STAU2: variants seen among roughly 807,000 people sequenced by gnomAD.
STAU2 encodes the protein double-stranded RNA-binding protein Staufen homolog 2.
Under a neutral mutation model 65.9 loss-of-function variants are expected in STAU2, and 20 were observed. The ratio of observed to expected loss-of-function variants is 0.30; its 90% CI spans 0.21 to 0.44. The LOEUF (loss-of-function observed/expected upper bound fraction) is 0.44. Among genes scored for constraint, STAU2 ranks in the 20% least tolerant of loss-of-function variants. The pLI is 1.00. For synonymous variants in STAU2, 232 were observed against 233.9 expected, an observed-to-expected ratio of 0.99 and a Z score of 0.07; for missense variants, 558 against 683.9, an observed-to-expected ratio of 0.82 and a Z score of 2.05.
chr8:73,621,951 CT>C (rs751349117), intron 6 of STAU2, among the ~76,000 whole-genome samples: 155 of 129,892 alleles, frequency 1.2e-3, no homozygotes, highest in South Asian at 2.8e-3. Flanking sequence ...GTCTTTCTCT[CT>C]TTTTTTTTTT....
rs184835229 is a variant in STAU2 at position 73,658,170 on chromosome 8, C to T, written c.410+14937G>A. ...CCTGAGGTCAGGAGTTCAAGACCAG[C>T]CTGACCAACATGGTGAAACCCCATC... is the stretch of plus-strand genomic sequence containing the variant. On this transcript the variant is annotated intron_variant, in intron 6 of 14. Transcript: ENST00000524300. 1.0e-3 allele frequency among the ~76,000 whole-genome samples: 152 copies of T among 151,988 alleles called. 1 individual carries two copies. The highest frequency in any genetic ancestry group is 3.3e-3 in the African/African-American group (135 of 41,416).
At chr8:73,736,592 AG>A in intron 3 of STAU2, among the ~76,000 whole-genome samples, 1 of 152,228 alleles carries the variant, frequency 6.6e-6, no homozygotes, top group Admixed American at 6.5e-5. Context: ...AAATCCCTGT[AG>A]CCAGAACAAC....
chr8:73,721,220 G>A (rs1041245287), intron 3 of STAU2, among the ~76,000 whole-genome samples: 1 of 141,588 alleles, frequency 7.1e-6, no homozygotes, highest in African/African-American at 2.6e-5. Context: ...AGCCCAGGAG[G>A]TCAAGGCTGC....
At chr8:73,731,650 A>G (rs1002914873) in intron 3 of STAU2, among the ~76,000 whole-genome samples, 4 of 152,222 alleles carry the variant, frequency 2.6e-5, no homozygotes, top group Admixed American at 1.3e-4. Flanking sequence ...TTAAAAATCA[A>G]GCATTGGCCA....
chr8:73,475,990 G>C (rs1295435786), intron 13 of STAU2, among the ~76,000 whole-genome samples: 2 of 152,146 alleles, frequency 1.3e-5, no homozygotes, highest in Non-Finnish European at 2.9e-5. Context: ...CTAAAGAGCA[G>C]GGCCAATAAA....
intron 6 of STAU2, among the ~76,000 whole-genome samples, chr8:73,649,912 G>A (rs1417020276): frequency 5.7e-5 from 4 of 69,744 alleles, no homozygotes; most frequent in Non-Finnish European, 1.2e-4. Context: ...TATATATGGT[G>A]CAAAGATAGC....
intron 11 of STAU2, among the ~76,000 whole-genome samples, chr8:73,586,951 G>A (rs1035263980): frequency 1.3e-5 from 2 of 152,018 alleles, no homozygotes; most frequent in Non-Finnish European, 2.9e-5. Flanking sequence ...AATTATTAAA[G>A]AAATAAGAAA....
chr8:73,558,688 T>C (rs746701554), intron 12 of STAU2, among the ~76,000 whole-genome samples: 2 of 152,236 alleles, frequency 1.3e-5, no homozygotes, highest in Non-Finnish European at 2.9e-5. Flanking sequence ...GCAAGAAAGA[T>C]AATGCCACTG....
intron 13 of STAU2, chr8:73,511,538 G>A (rs979275860): frequency 1.3e-5 from 2 of 152,670 alleles, no homozygotes; most frequent in Non-Finnish European, 2.9e-5. Flanking sequence ...GGAGCACCTC[G>A]AGGTTGATGC....
At chr8:73,585,662 C>T (rs1473175014) in intron 11 of STAU2, among the ~76,000 whole-genome samples, 3 of 152,046 alleles carry the variant, frequency 2.0e-5, no homozygotes, top group Non-Finnish European at 4.4e-5. Flanking sequence ...AAGGAGAAAC[C>T]CAGCAAGCAC....
chr8:73,493,950 G>A (rs2128916591), intron 13 of STAU2, among the ~76,000 whole-genome samples: 1 of 151,862 alleles, frequency 6.6e-6, no homozygotes, highest in South Asian at 2.1e-4. Context: ...AATGTCAAAA[G>A]CGCTTTACTG....
At chr8:73,701,767 A>G (rs1184788901) in intron 4 of STAU2, among the ~76,000 whole-genome samples, 2 of 151,144 alleles carry the variant, frequency 1.3e-5, no homozygotes, top group Non-Finnish European at 3.0e-5. Context: ...TATGTTGAAA[A>G]GATATCTACA....
chr8:73,488,724 C>T (rs1005081175), intron 13 of STAU2, among the ~76,000 whole-genome samples: 3 of 149,442 alleles, frequency 2.0e-5, no homozygotes, highest in African/African-American at 7.3e-5. Flanking sequence ...CTATCAAAAT[C>T]GTTGCTAAGG....
At chr8:73,631,808 G>A (rs1814107551) in intron 6 of STAU2, among the ~76,000 whole-genome samples, 1 of 152,112 alleles carries the variant, frequency 6.6e-6, no homozygotes, top group Non-Finnish European at 1.5e-5. Flanking sequence ...AAGCTCCCAG[G>A]AAACTCAAAC....
At chr8:73,541,364 A>T (rs150135413) in intron 13 of STAU2, among the ~76,000 whole-genome samples, 122 of 152,350 alleles carry the variant, frequency 8.0e-4, no homozygotes, top group African/African-American at 2.8e-3. Context: ...GTTATAAGGT[A>T]GAAATACTGA....
chr8:73,525,496 G>T (rs1324394868), intron 13 of STAU2, among the ~76,000 whole-genome samples: 1 of 152,086 alleles, frequency 6.6e-6, no homozygotes, highest in Non-Finnish European at 1.5e-5. Context: ...TGAGTACCTT[G>T]GCATAGGAAC....
At position 73,739,683 on chromosome 8, in the gene STAU2, C is replaced by T. The variant is rs527697407; in HGVS notation, c.-84+73G>A. ...ATTACTGTCACATTTCCTATGAGAA[C>T]GGGATGCTGTATAAAGAGCACACGG... On this transcript the variant is annotated intron_variant, in intron 2 of 14. Coordinates refer to ENST00000524300, the MANE Select transcript of STAU2 (RefSeq NM_001164380.2). 1.7e-5 allele frequency: 20 copies of T among 1,203,412 alleles called. No homozygotes were observed. The South Asian group carries it at 2.7e-4, about 16-fold the overall frequency. The allele number at this position is 1,203,412 out of a possible 1,614,324, so 74.5% of individuals were successfully genotyped here.
intron 13 of STAU2, among the ~76,000 whole-genome samples, chr8:73,548,650 G>C (rs1350892856): frequency 2.6e-5 from 4 of 152,114 alleles, no homozygotes; most frequent in African/African-American, 4.8e-5. Flanking sequence ...AACACTCCCT[G>C]ATTTTGGACA....
intron 13 of STAU2, among the ~76,000 whole-genome samples, chr8:73,515,198 G>A (rs1822637199): frequency 6.6e-6 from 1 of 152,154 alleles, no homozygotes; most frequent in Admixed American, 6.5e-5. Flanking sequence ...GCCAAATAAT[G>A]ACCTATTAGT....
Sources: gnomAD v4.1 joint callset for allele counts (sites outside exome capture counted in the v4.1 genomes callset) on GRCh38, gnomAD v4.1.1 for gene constraint, MANE v1.5 for transcripts, NCBI Gene and HGNC (gene_info 2026-07-23, HGNC 2026-07-21) for gene names.